Variants in FPR3 observed in about 807,000 individuals in gnomAD.
FPR3 encodes the protein N-formyl peptide receptor 3.
For synonymous variants in FPR3, 135 were observed against 163.6 expected (o/e 0.83, Z 1.34); for missense variants, 346 against 443.2 (o/e 0.78, Z 1.97).
At chr19:51,815,705 CA>C (rs984678051) in intron 1 of FPR3, among the ~76,000 whole-genome samples, 8 of 150,982 alleles carry the variant, frequency 5.3e-5, no homozygotes, top group Non-Finnish European at 1.0e-4. Flanking sequence ...CCTGTTTGTA[CA>C]AAAAATTAGT....
chr19:51,796,726 A>G (rs1366146895), intron 1 of FPR3, among the ~76,000 whole-genome samples: 1 of 152,198 alleles, frequency 6.6e-6, no homozygotes, highest in Non-Finnish European at 1.5e-5. Context: ...TGAATATTTA[A>G]TCTCCAAATA....
At chr19:51,795,501 A>ATTTTTTTTTTTTTTTTTTTT (rs1361472024) in intron 1 of FPR3, among the ~76,000 whole-genome samples, 170 bp downstream of exon 1, 11 of 77,092 alleles carry the variant, frequency 1.4e-4, no homozygotes, top group African/African-American at 1.8e-4. Flanking sequence ...TTCCAGTAAC[A>ATTTTTTTTTTTTTTTTTTTT]TTCTTTTTTT....
At chr19:51,806,534 C>T (rs554603198) in intron 1 of FPR3, among the ~76,000 whole-genome samples, 5 of 152,292 alleles carry the variant, frequency 3.3e-5, no homozygotes, top group South Asian at 2.1e-4. Flanking sequence ...TCCTATACCC[C>T]CTTTTTGTCT....
At chr19:51,817,908 G>A (rs1192656927) in intron 1 of FPR3, 1 of 152,114 alleles carries the variant, frequency 6.6e-6, no homozygotes, top group East Asian at 1.9e-4. Context: ...CCTAAACTCT[G>A]GAGCAGGGCT....
At chr19:51,809,307 A>G (rs912822428) in intron 1 of FPR3, among the ~76,000 whole-genome samples, 2 of 152,236 alleles carry the variant, frequency 1.3e-5, no homozygotes, top group Admixed American at 1.3e-4. Flanking sequence ...TACTCCCACT[A>G]GGGATGTAGA....
At chr19:51,816,358 G>A (rs984375099) in intron 1 of FPR3, among the ~76,000 whole-genome samples, 7 of 152,100 alleles carry the variant, frequency 4.6e-5, no homozygotes, top group African/African-American at 1.4e-4. Context: ...AATGATTCTC[G>A]TGCCTCAGCC....
intron 1 of FPR3, among the ~76,000 whole-genome samples, chr19:51,809,077 C>T (rs1380210669): frequency 6.6e-6 from 1 of 152,206 alleles, no homozygotes; most frequent in Non-Finnish European, 1.5e-5. Context: ...AGAAATTTTC[C>T]TAAACATTTT....
chr19:51,808,421 T>G (rs1245216352), intron 1 of FPR3, among the ~76,000 whole-genome samples: 2 of 152,188 alleles, frequency 1.3e-5, no homozygotes, highest in African/African-American at 4.8e-5. Context: ...GATGTAGGTT[T>G]TGATCTGTAG....
In FPR3 at chr19:51,826,088, A is replaced by G. The variant is rs1393528276; in HGVS notation, c.*1278A>G. The G allele has an allele frequency of 1.3e-5, 2 of 157,458 alleles. No individual in the cohort carries two copies. Among genetic ancestry groups the G allele is most frequent in the Non-Finnish European group, 2.9e-5 (2 of 68,054 alleles). 9.8% of individuals were successfully genotyped at this position (157,458 alleles called of 1,614,324 possible). ...TGCAGTTTCTGTAAATATTAACGTGATCATATTATTTTTATTCTTTCATTT... is the reference window on the plus strand; with the variant it reads ...TGCAGTTTCTGTAAATATTAACGTGGTCATATTATTTTTATTCTTTCATTT... On this transcript the variant is annotated 3_prime_UTR_variant, in exon 2 of 2. Transcript: ENST00000339223.
chr19:51,817,909 G>C (rs1478236566), intron 1 of FPR3: 1 of 152,086 alleles, frequency 6.6e-6, no homozygotes, highest in Non-Finnish European at 1.5e-5. Flanking sequence ...CTAAACTCTG[G>C]AGCAGGGCTG....
At chr19:51,808,850 C>T (rs543084941) in intron 1 of FPR3, among the ~76,000 whole-genome samples, 17 of 152,238 alleles carry the variant, frequency 1.1e-4, no homozygotes, top group African/African-American at 4.1e-4. Context: ...CTTATGTGTC[C>T]GGCATCCCAT....
intron 1 of FPR3, among the ~76,000 whole-genome samples, chr19:51,801,289 C>T (rs1599829389): frequency 6.6e-6 from 1 of 151,744 alleles, no homozygotes; most frequent in African/African-American, 2.4e-5. Flanking sequence ...ATTATATATG[C>T]ATATATTTTA....
intron 1 of FPR3, among the ~76,000 whole-genome samples, chr19:51,796,572 C>T (rs978390922): frequency 6.6e-6 from 1 of 152,148 alleles, no homozygotes; most frequent in African/African-American, 2.4e-5. Context: ...CTGACAGGGC[C>T]ATGGACACCG....
At chr19:51,812,557 C>A (rs2084104785) in intron 1 of FPR3, among the ~76,000 whole-genome samples, 1 of 152,202 alleles carries the variant, frequency 6.6e-6, no homozygotes, top group Non-Finnish European at 1.5e-5. Flanking sequence ...TCTACAGACC[C>A]TCAGCTACAG....
chr19:51,811,168 C>A (rs1316822405), intron 1 of FPR3, among the ~76,000 whole-genome samples: 1 of 152,134 alleles, frequency 6.6e-6, no homozygotes, highest in East Asian at 1.9e-4. Context: ...GTGGAGAAAA[C>A]AGAAGGATCA....
intron 1 of FPR3, chr19:51,804,829 T>C: frequency 6.6e-6 from 1 of 151,990 alleles, no homozygotes. Flanking sequence ...GAAGAAGGGG[T>C]CCGGGGGCAC....
rs1036772583 is a variant in FPR3 at position 51,805,243 on chromosome 19, C to T, written c.-11+9912C>T. The T allele has an allele frequency of 1.6e-4, 25 of 152,242 alleles. 1 individual carries two copies. The highest frequency in any genetic ancestry group is 1.4e-3 in the Admixed American group (22 of 15,292). 9.4% of individuals were successfully genotyped at this position (152,242 alleles called of 1,614,324 possible). A position where few individuals can be genotyped will look rare whatever the true frequency, so the allele number is the denominator to read the frequency against. ...CTCATTCTCCGATTGGCGGTCCATC[C>T]GATTTTACAGACTATAAACAGAAGA... On this transcript the variant is annotated intron_variant, in intron 1 of 1. Coordinates refer to ENST00000339223, the MANE Select transcript of FPR3 (RefSeq NM_002030.5).
intron 1 of FPR3, among the ~76,000 whole-genome samples, chr19:51,808,929 G>A (rs1034638567): frequency 7.9e-5 from 12 of 152,194 alleles, no homozygotes; most frequent in African/African-American, 2.2e-4. Flanking sequence ...CCACCCACAC[G>A]GGTTTGTCAC....
chr19:51,815,367 C>T (rs1056355597), intron 1 of FPR3, among the ~76,000 whole-genome samples: 17 of 152,002 alleles, frequency 1.1e-4, no homozygotes, highest in Non-Finnish European at 2.1e-4. Context: ...CGAGACCAGC[C>T]TGGCCAACAT....
Sources: gnomAD v4.1 joint callset for allele counts (sites outside exome capture counted in the v4.1 genomes callset) on GRCh38, gnomAD v4.1.1 for gene constraint, MANE v1.5 for transcripts, NCBI Gene and HGNC (gene_info 2026-07-23, HGNC 2026-07-21) for gene names.